Variants in ZNF831 observed in about 807,000 individuals in gnomAD.
ZNF831 encodes zinc finger protein 831.
A neutral mutation model predicts 95.8 loss-of-function variants in ZNF831; 59 were observed. The ratio of observed to expected loss-of-function variants is 0.62; its 90% CI spans 0.50 to 0.77. The LOEUF is 0.77. ZNF831 is among the 30% of genes least tolerant of loss of function. The pLI is 0.00. For synonymous variants in ZNF831, 961 were observed against 925.5 expected, an observed-to-expected ratio of 1.04 and a Z score of -0.70; for missense variants, 2,205 against 2,164.0, an observed-to-expected ratio of 1.02 and a Z score of -0.38.
rs115680518 is a variant in ZNF831, at chr20:59,206,040, T to C, written c.3876-865T>C. Among the ~76,000 whole-genome samples, 1,214 of 152,290 alleles carry C rather than the reference T, an allele frequency of 8.0e-3. 15 individuals carry two copies. The highest frequency in any genetic ancestry group is 0.028 in the African/African-American group (1,160 of 41,542). On this transcript the variant is annotated intron_variant, in intron 3 of 5. Coordinates refer to ENST00000371030, the MANE Select transcript of ZNF831 (RefSeq NM_178457.3). ...AAGACTAGATGAAAATAAATGTAAA[T>C]AGAAGCTCTAGTGTTTTTCTTTCTC...
intron 1 of ZNF831, among the ~76,000 whole-genome samples, chr20:59,186,433 T>G (rs1983045154): frequency 6.6e-6 from 1 of 152,190 alleles, no homozygotes; most frequent in Non-Finnish European, 1.5e-5. Flanking sequence ...AATTGAAAAC[T>G]GAAATAAATG....
chr20:59,198,593 A>G (rs1408039803), intron 3 of ZNF831, among the ~76,000 whole-genome samples: 1 of 152,198 alleles, frequency 6.6e-6, no homozygotes, highest in African/African-American at 2.4e-5. Flanking sequence ...TCTCCACTCA[A>G]CAAATCACGA....
chr20:59,144,558 A>G (rs140245305), intron 1 of ZNF831, among the ~76,000 whole-genome samples: 61 of 152,374 alleles, frequency 4.0e-4, no homozygotes, highest in Middle Eastern at 6.8e-3. Flanking sequence ...GGTTGAGAAC[A>G]GTTGACTTAA....
chr20:59,130,209 G>C (rs781523709), intron 1 of ZNF831, among the ~76,000 whole-genome samples: 1 of 152,218 alleles, frequency 6.6e-6, no homozygotes, highest in Non-Finnish European at 1.5e-5. Flanking sequence ...TAATATGCTT[G>C]GAGGAGAGAA....
intron 1 of ZNF831, among the ~76,000 whole-genome samples, chr20:59,166,003 C>T (rs1314435233): frequency 3.9e-5 from 6 of 152,222 alleles, no homozygotes; most frequent in South Asian, 2.1e-4. Flanking sequence ...CTATCTGCCT[C>T]GGCCTCCCAA....
chr20:59,145,071 A>G (rs1183536879), intron 1 of ZNF831, among the ~76,000 whole-genome samples: 1 of 152,186 alleles, frequency 6.6e-6, no homozygotes, highest in East Asian at 1.9e-4. Flanking sequence ...TTATCTGTGG[A>G]TGGTCCGGTT....
intron 4 of ZNF831, among the ~76,000 whole-genome samples, chr20:59,210,125 C>T (rs1290766694): frequency 6.6e-6 from 1 of 152,208 alleles, no homozygotes; most frequent in Admixed American, 6.5e-5. Flanking sequence ...GGCAGGGACA[C>T]ACACGGACAC....
intron 4 of ZNF831, among the ~76,000 whole-genome samples, chr20:59,240,740 T>C (rs1285959860): frequency 6.6e-6 from 1 of 152,114 alleles, no homozygotes; most frequent in East Asian, 1.9e-4. Context: ...AGGCGGAGCT[T>C]GCAGTGAGCC....
At chr20:59,238,818 G>T (rs1343180238) in intron 4 of ZNF831, among the ~76,000 whole-genome samples, 2 of 148,802 alleles carry the variant, frequency 1.3e-5, no homozygotes, top group Non-Finnish European at 3.0e-5. Flanking sequence ...TCTCCCCCTT[G>T]TATCTATTAG....
In ZNF831 at chr20:59,194,027, G is replaced by A. The variant is rs538061169; in HGVS notation, c.3008G>A (p.Ser1003Asn). Residue 1003 changes from serine to asparagine, a missense_variant, in exon 2 of 6, where the codon AGC (serine) becomes AAC (asparagine). Physicochemically the swap from Ser to Asn is conservative, Grantham distance 46 (BLOSUM62 1). Transcript: ENST00000371030. ...GGCCCCTCCCCAGGTGAGGCGGACA[G>A]CATCCTGGAGGACCCCAGCTGTTCC... ...ASGPSPGEADSILEDPSCSRP... is the reference protein window; with the variant it reads ...ASGPSPGEADNILEDPSCSRP... The A allele has an allele frequency of 4.6e-6, 7 of 1,527,354 alleles. No individual in the cohort carries two copies. In the South Asian group the frequency reaches 5.2e-5, roughly 11 times the overall value. The allele number at this position is 1,527,354 out of a possible 1,614,324, so 94.6% of individuals were successfully genotyped here. A position where few individuals can be genotyped will look rare whatever the true frequency, so the allele number is the denominator to read the frequency against.
At position 59,193,735 on chromosome 20, in the gene ZNF831, C is replaced by T. The variant is rs1983824023; in HGVS notation, c.2716C>T (p.Leu906=). The change falls in exon 2 of 6, where the codon CTG becomes TTG. Residue 906 remains leucine (L), a synonymous_variant. Transcript: ENST00000371030. ...RVGPRDKATP[L]HPAAPAPAEH... ...GGGGCCAAGGGACAAGGCTACCCCA[C>T]TGCATCCTGCAGCCCCAGCCCCCGC... is the stretch of plus-strand genomic sequence containing the variant. 6.2e-7 allele frequency: 1 copy of T among 1,610,526 alleles called. No homozygotes were observed. The highest frequency in any genetic ancestry group is 8.5e-7 in the Non-Finnish European group (1 of 1,178,266).
At chr20:59,231,820 C>T (rs577737282) in intron 4 of ZNF831, among the ~76,000 whole-genome samples, 4 of 152,202 alleles carry the variant, frequency 2.6e-5, no homozygotes, top group Non-Finnish European at 5.9e-5. Context: ...TAGTTTTCTT[C>T]CTTGTCACTT....
At chr20:59,128,411 C>T (rs1979246042) in intron 1 of ZNF831, among the ~76,000 whole-genome samples, 1 of 152,154 alleles carries the variant, frequency 6.6e-6, no homozygotes, top group Non-Finnish European at 1.5e-5. Flanking sequence ...GATGACTGGC[C>T]AGGGAAGGCC....
intron 4 of ZNF831, among the ~76,000 whole-genome samples, chr20:59,219,077 A>G (rs1985901330): frequency 6.6e-6 from 1 of 152,198 alleles, no homozygotes; most frequent in Non-Finnish European, 1.5e-5. Flanking sequence ...AGTGGGGGTC[A>G]GGCAAGTAAT....
chr20:59,197,684 A>C (rs770805834), intron 3 of ZNF831, among the ~76,000 whole-genome samples: 2 of 152,162 alleles, frequency 1.3e-5, no homozygotes, highest in Admixed American at 1.3e-4. Flanking sequence ...AGCCTGACTC[A>C]AGGTAGTCTG....
upstream of ZNF831, among the ~76,000 whole-genome samples, chr20:59,162,231 T>C (rs1476881395): frequency 2.0e-5 from 3 of 152,256 alleles, no homozygotes; most frequent in Admixed American, 2.0e-4. Context: ...ATTATTTCTT[T>C]TGCTACATAG....
intron 4 of ZNF831, among the ~76,000 whole-genome samples, chr20:59,249,982 A>T (rs1401744850): frequency 6.6e-6 from 1 of 152,220 alleles, no homozygotes; most frequent in Non-Finnish European, 1.5e-5. Context: ...GACCCCAAGG[A>T]ATGGAATCCT....
At chr20:59,172,604 C>A (rs951421310) in intron 1 of ZNF831, among the ~76,000 whole-genome samples, 3 of 152,176 alleles carry the variant, frequency 2.0e-5, no homozygotes, top group Non-Finnish European at 4.4e-5. Flanking sequence ...GTCTTTAGAG[C>A]CCCTCCTCTG....
chr20:59,137,550 T>C (rs1210985193), intron 1 of ZNF831, among the ~76,000 whole-genome samples: 1 of 152,210 alleles, frequency 6.6e-6, no homozygotes, highest in Non-Finnish European at 1.5e-5. Flanking sequence ...TGGAAGAGTT[T>C]CCTTTAATTC....
Sources: allele counts gnomAD v4.1 joint callset (sites outside exome capture counted in the v4.1 genomes callset), GRCh38; gene constraint gnomAD v4.1.1; transcripts MANE v1.5; gene names NCBI Gene and HGNC (gene_info 2026-07-23, HGNC 2026-07-21).